HDAC9: variants seen among roughly 807,000 people sequenced by gnomAD.
The protein encoded by HDAC9 is histone deacetylase 9, also known as MEF-2 interacting transcription repressor (MITR) protein.
Under a neutral mutation model 139.4 loss-of-function variants are expected in HDAC9, and 41 were observed. The observed-to-expected ratio is 0.29, with a 90% CI of 0.23 to 0.38. The LOEUF is 0.38. Among genes scored for constraint, HDAC9 ranks in the 10% least tolerant of loss-of-function variants. The pLI, the probability that HDAC9 is intolerant of heterozygous loss-of-function variation, is 1.00. For missense variants in HDAC9, 1,147 were observed against 1,297.0 expected (o/e 0.88, Z 1.78); for synonymous variants, 517 against 476.2 (o/e 1.09, Z -1.12).
rs569316447 is a variant in HDAC9, at chr7:18,767,576, A to G, written c.2214+421A>G. ...ACATTATATTCCTGGTGAAAATGGC[A>G]TAAACTTCACAAAGTGCTTTGCATT... On this transcript the variant is annotated intron_variant, in intron 16 of 25. Coordinates refer to ENST00000686413, the MANE Select transcript of HDAC9 (RefSeq NM_178425.4). 2.0e-5 allele frequency among the ~76,000 whole-genome samples: 3 copies of G among 152,320 alleles called. No homozygotes were observed. In the South Asian group the frequency reaches 6.2e-4, roughly 32 times the overall value.
intron 21 of HDAC9, among the ~76,000 whole-genome samples, chr7:18,866,551 C>T (rs150340379): frequency 8.5e-5 from 13 of 152,262 alleles, no homozygotes; most frequent in Admixed American, 6.5e-4. Flanking sequence ...TAACCTATGA[C>T]CTTTTTGAAG....
intron 17 of HDAC9, among the ~76,000 whole-genome samples, chr7:18,807,497 C>G (rs1037857549): frequency 4.6e-5 from 7 of 151,302 alleles, no homozygotes; most frequent in African/African-American, 1.5e-4. Context: ...GTTTACTCTT[C>G]TTTTTTTTAG....
chr7:18,143,217 G>C (rs1178358), intron 1 of HDAC9, among the ~76,000 whole-genome samples: 68,365 of 152,022 alleles, frequency 0.45, 18,225 homozygotes, highest in African/African-American at 0.75. Context: ...TATTTTGTAG[G>C]AATTGCTGAT....
intron 22 of HDAC9, among the ~76,000 whole-genome samples, chr7:18,879,449 G>C (rs906608561): frequency 6.6e-6 from 1 of 152,018 alleles, no homozygotes; most frequent in African/African-American, 2.4e-5. Flanking sequence ...GCATGGTACT[G>C]GTACAAAAAC....
intron 17 of HDAC9, among the ~76,000 whole-genome samples, chr7:18,806,109 G>T (rs1219514645): frequency 6.8e-6 from 1 of 147,630 alleles, no homozygotes; most frequent in African/African-American, 2.5e-5. Context: ...AAAAGTAACT[G>T]AAAAGCTGTG....
intron 1 of HDAC9, among the ~76,000 whole-genome samples, chr7:18,486,036 C>G (rs567546026): frequency 2.1e-4 from 32 of 152,174 alleles, no homozygotes; most frequent in African/African-American, 7.5e-4. Flanking sequence ...TCTTGTGTGG[C>G]CTTCTTATTT....
At chr7:18,943,044 A>C (rs1782127445) in intron 23 of HDAC9, among the ~76,000 whole-genome samples, 1 of 152,122 alleles carries the variant, frequency 6.6e-6, no homozygotes, top group African/African-American at 2.4e-5. Context: ...ACACAAAGTG[A>C]AACAGGACTT....
chr7:18,772,116 A>G (rs1032802670), intron 16 of HDAC9, among the ~76,000 whole-genome samples: 1 of 152,116 alleles, frequency 6.6e-6, no homozygotes, highest in African/African-American at 2.4e-5. Context: ...TTAAAACAGC[A>G]AAGAAAGAAT....
chr7:18,975,144 CCT>C (rs1011052866), intron 24 of HDAC9, among the ~76,000 whole-genome samples: 4 of 152,160 alleles, frequency 2.6e-5, no homozygotes, highest in African/African-American at 7.2e-5. Flanking sequence ...CTTCTATTTT[CCT>C]CTCTTTCTCC....
intron 2 of HDAC9, among the ~76,000 whole-genome samples, chr7:18,230,720 A>G (rs1338525659): frequency 6.6e-6 from 1 of 152,128 alleles, no homozygotes; most frequent in Non-Finnish European, 1.5e-5. Flanking sequence ...CCTTTTTTGG[A>G]AGTAGAGACA....
intron 16 of HDAC9, among the ~76,000 whole-genome samples, chr7:18,784,974 TC>T (rs373923571): frequency 0.21 from 3,587 of 17,072 alleles, 158 homozygotes; most frequent in African/African-American, 0.33. Flanking sequence ...TGTGTGTGTG[TC>T]TGTGTGTGCA....
At position 18,712,800 on chromosome 7, in the gene HDAC9, A is replaced by G. The variant is rs76431975; in HGVS notation, c.1732-14780A>G. Among the ~76,000 whole-genome samples the G allele has an allele frequency of 4.0e-3, 602 of 152,342 alleles. 4 individuals carry two copies. The highest frequency in any genetic ancestry group is 0.014 in the African/African-American group (572 of 41,592). On this transcript the variant is annotated intron_variant, in intron 12 of 25. Coordinates refer to ENST00000686413, the MANE Select transcript of HDAC9 (RefSeq NM_178425.4). ...TTGATACTTTACAAATTATAATAGC[A>G]TGTGCATAAATGTGCATAATAATAT...
chr7:18,651,851 T>A (rs1259761953), intron 11 of HDAC9, among the ~76,000 whole-genome samples: 3 of 152,108 alleles, frequency 2.0e-5, no homozygotes, highest in Non-Finnish European at 4.4e-5. Context: ...GAAATATCCC[T>A]GGAATGGGCT....
chr7:18,922,556 G>T (rs1036077270), intron 22 of HDAC9, among the ~76,000 whole-genome samples: 14 of 152,114 alleles, frequency 9.2e-5, no homozygotes, highest in East Asian at 3.9e-4. Flanking sequence ...AACTTGGTCT[G>T]GGATGAGGCT....
chr7:18,788,842 G>C (rs1287315899), intron 16 of HDAC9, among the ~76,000 whole-genome samples: 1 of 151,004 alleles, frequency 6.6e-6, no homozygotes, highest in African/African-American at 2.4e-5. Context: ...TTTCTCTCTC[G>C]TTTGCTCACA....
intron 21 of HDAC9, among the ~76,000 whole-genome samples, chr7:18,840,422 T>C (rs1258548631): frequency 6.6e-6 from 1 of 152,058 alleles, no homozygotes; most frequent in Non-Finnish European, 1.5e-5. Context: ...TCTCTTGCAC[T>C]GAGGTTGTCA....
At chr7:18,832,073 G>A (rs1041051044) in intron 19 of HDAC9, among the ~76,000 whole-genome samples, 1 of 152,150 alleles carries the variant, frequency 6.6e-6, no homozygotes, top group African/African-American at 2.4e-5. Context: ...TCCTTTCTGA[G>A]GCAGATCCCA....
At chr7:18,388,679 C>G (rs1786176369) in intron 1 of HDAC9, among the ~76,000 whole-genome samples, 1 of 152,186 alleles carries the variant, frequency 6.6e-6, no homozygotes, top group South Asian at 2.1e-4. Context: ...GCTTCTTTCT[C>G]TACTCAGTGG....
intron 1 of HDAC9, among the ~76,000 whole-genome samples, chr7:18,418,057 A>G (rs1789251994): frequency 6.6e-6 from 1 of 152,128 alleles, no homozygotes; most frequent in Non-Finnish European, 1.5e-5. Flanking sequence ...ACTTTGCACA[A>G]TCATAGAGCT....
Sources: gnomAD v4.1 joint callset for allele counts (sites outside exome capture counted in the v4.1 genomes callset) on GRCh38, gnomAD v4.1.1 for gene constraint, MANE v1.5 for transcripts, NCBI Gene and HGNC (gene_info 2026-07-23, HGNC 2026-07-21) for gene names.